TENM3: variants seen among roughly 807,000 people sequenced by gnomAD.
The protein encoded by TENM3 is teneurin transmembrane protein 3.
A neutral mutation model predicts 255.1 loss-of-function variants in TENM3; 63 were observed. The observed-to-expected ratio is 0.25, with a 90% confidence interval of 0.20 to 0.30. The LOEUF is 0.30. Among genes scored for constraint, TENM3 ranks in the 10% least tolerant of loss-of-function variants. The pLI, the probability that TENM3 is intolerant of heterozygous loss-of-function variation, is 1.00. For synonymous variants in TENM3, 1,306 were observed against 1,322.3 expected (o/e 0.99, Z 0.27); for missense variants, 2,929 against 3,461.1 (o/e 0.85, Z 3.86).
chr4:181,793,986 A>G, the TENM3 span, among the ~76,000 whole-genome samples: 2 of 152,168 alleles, frequency 1.3e-5, no homozygotes, highest in African/African-American at 2.4e-5. Context: ...CCACATTAAT[A>G]ACACCTGGCA....
chr4:182,575,841 G>A (rs561756964), intron 3 of TENM3, among the ~76,000 whole-genome samples: 1 of 152,142 alleles, frequency 6.6e-6, no homozygotes, highest in African/African-American at 2.4e-5. Flanking sequence ...TGTCCTTAAG[G>A]TTTTCATCCC....
At chr4:182,217,522 G>A (rs372615429) in intron 1 of TENM3, among the ~76,000 whole-genome samples, 11 of 152,110 alleles carry the variant, frequency 7.2e-5, no homozygotes, top group African/African-American at 1.9e-4. Context: ...TGCATTGAGC[G>A]CTTACTGTGT....
At chr4:181,868,579 T>C in the TENM3 span, among the ~76,000 whole-genome samples, 3 of 152,230 alleles carry the variant, frequency 2.0e-5, no homozygotes, top group East Asian at 5.8e-4. Context: ...GCTTAATAAA[T>C]TACAACTTGC....
intron 1 of TENM3, among the ~76,000 whole-genome samples, chr4:182,183,384 G>A (rs191387581): frequency 1.6e-4 from 25 of 152,188 alleles, no homozygotes; most frequent in African/African-American, 5.8e-4. Context: ...TTGCTTTCAT[G>A]CTCAAAGGAG....
chr4:182,703,092 A>G (rs766061892), intron 12 of TENM3, among the ~76,000 whole-genome samples: 7 of 152,182 alleles, frequency 4.6e-5, no homozygotes, highest in Non-Finnish European at 7.3e-5. Flanking sequence ...TTATTTTTCA[A>G]TTGTTCTTGT....
chr4:182,764,492 G>A (rs1763505281), intron 22 of TENM3, among the ~76,000 whole-genome samples: 1 of 152,222 alleles, frequency 6.6e-6, no homozygotes, highest in Non-Finnish European at 1.5e-5. Flanking sequence ...ATCCGATTGA[G>A]AACTGGGGAC....
chr4:181,624,501 T>C, the TENM3 span, among the ~76,000 whole-genome samples: 8 of 152,342 alleles, frequency 5.3e-5, no homozygotes, highest in Non-Finnish European at 8.8e-5. Context: ...TTTGTTCATT[T>C]CTTGTGCTAT....
chr4:181,835,621 A>T, the TENM3 span, among the ~76,000 whole-genome samples: 1 of 152,182 alleles, frequency 6.6e-6, no homozygotes, highest in South Asian at 2.1e-4. Flanking sequence ...GTGATTCAGG[A>T]GAATCTATTG....
chr4:182,366,672 A>G (rs758412103), intron 3 of TENM3, among the ~76,000 whole-genome samples: 42 of 152,324 alleles, frequency 2.8e-4, no homozygotes, highest in Non-Finnish European at 4.9e-4. Context: ...AGGTTTAAAT[A>G]CTAAATTCAG....
At chr4:181,478,261 T>C in the TENM3 span, among the ~76,000 whole-genome samples, 1 of 152,238 alleles carries the variant, frequency 6.6e-6, no homozygotes, top group Non-Finnish European at 1.5e-5. Flanking sequence ...TGTAACATTA[T>C]CATACGGTAT....
At chr4:181,626,918 T>C in the TENM3 span, among the ~76,000 whole-genome samples, 1 of 152,132 alleles carries the variant, frequency 6.6e-6, no homozygotes, top group Admixed American at 6.5e-5. Flanking sequence ...ACAGGTCTAT[T>C]GTATAGAATC....
chr4:181,664,032 A>C, the TENM3 span, among the ~76,000 whole-genome samples: 1 of 152,160 alleles, frequency 6.6e-6, no homozygotes, highest in Non-Finnish European at 1.5e-5. Flanking sequence ...CAGGTAGTTT[A>C]GTGGTGTGGT....
chr4:181,804,777 A>G, the TENM3 span, among the ~76,000 whole-genome samples: 3 of 152,146 alleles, frequency 2.0e-5, no homozygotes, highest in Non-Finnish European at 2.9e-5. Context: ...CAGGAGCCTG[A>G]GGCAGGAGCA....
the TENM3 span, among the ~76,000 whole-genome samples, chr4:181,835,599 AG>A: frequency 1.1e-4 from 16 of 152,290 alleles, no homozygotes; most frequent in African/African-American, 3.6e-4. Flanking sequence ...TATGAGTCAA[AG>A]ACGTTTTCCT....
At chr4:182,585,310 G>A (rs1446513005) in intron 3 of TENM3, among the ~76,000 whole-genome samples, 1 of 152,192 alleles carries the variant, frequency 6.6e-6, no homozygotes, top group East Asian at 1.9e-4. Flanking sequence ...GTCCCATTTG[G>A]GACAGGAAAC....
At chr4:182,463,907 CCA>C (rs1203933737) in intron 3 of TENM3, among the ~76,000 whole-genome samples, 1 of 152,008 alleles carries the variant, frequency 6.6e-6, no homozygotes, top group Admixed American at 6.6e-5. Context: ...CAGGTGTGAG[CCA>C]CCGTGCCCAG....
At chr4:181,589,445 T>C in the TENM3 span, among the ~76,000 whole-genome samples, 4 of 152,188 alleles carry the variant, frequency 2.6e-5, no homozygotes, top group Admixed American at 2.0e-4. Context: ...ATATACACAC[T>C]TTAAGGAAGA....
the TENM3 span, among the ~76,000 whole-genome samples, chr4:181,649,624 GTGT>G: frequency 1.3e-5 from 2 of 152,180 alleles, no homozygotes; most frequent in Non-Finnish European, 2.9e-5. Context: ...ATGTGTTCGT[GTGT>G]TTTGACTTAT....
At chr4:182,612,768 C>G (rs56412039) in intron 4 of TENM3, among the ~76,000 whole-genome samples, 50,071 of 149,310 alleles carry the variant, frequency 0.34, 8,624 homozygotes, top group Non-Finnish European at 0.39. Context: ...CACACACACA[C>G]AGTGGGAATT....
Sources: gnomAD v4.1 joint callset for allele counts (sites outside exome capture counted in the v4.1 genomes callset) on GRCh38, gnomAD v4.1.1 for gene constraint, MANE v1.5 for transcripts, NCBI Gene and HGNC (gene_info 2026-07-23, HGNC 2026-07-21) for gene names.